Variants in ETV6 observed in about 807,000 individuals in gnomAD.
ETV6 encodes ETS variant transcription factor 6.
A neutral mutation model predicts 51.1 loss-of-function variants in ETV6; 16 were observed. That is an observed-to-expected ratio of 0.31 (90% confidence interval 0.21 to 0.48). The LOEUF is 0.48. Ranked by LOEUF, ETV6 falls within the 20% of genes least tolerant of loss-of-function variation. The pLI, the probability that ETV6 is intolerant of heterozygous loss-of-function variation, is 0.99. For missense variants in ETV6, 458 were observed against 594.8 expected (o/e 0.77, Z 2.39); for synonymous variants, 240 against 224.1 (o/e 1.07, Z -0.64).
intron 1 of ETV6, among the ~76,000 whole-genome samples, chr12:11,709,333 T>G (rs192422622): frequency 2.8e-4 from 42 of 152,274 alleles, no homozygotes; most frequent in Middle Eastern, 3.4e-3. Flanking sequence ...GCGTTTGATC[T>G]TTTCTTCTCT....
chr12:11,859,173 G>T (rs187299700), intron 4 of ETV6, among the ~76,000 whole-genome samples: 2 of 105,522 alleles, frequency 1.9e-5, no homozygotes, highest in African/African-American at 4.0e-5. Context: ...AAGGAGTCTT[G>T]CTCTGTCGCC....
intron 1 of ETV6, among the ~76,000 whole-genome samples, chr12:11,690,852 A>C (rs1864742322): frequency 2.0e-5 from 3 of 148,360 alleles, no homozygotes; most frequent in Non-Finnish European, 3.0e-5. Context: ...GTGCCACTGC[A>C]CTCCAGCCTG....
intron 1 of ETV6, among the ~76,000 whole-genome samples, chr12:11,728,426 G>T (rs559646713): frequency 3.9e-5 from 6 of 152,226 alleles, no homozygotes; most frequent in African/African-American, 1.4e-4. Context: ...TCAGATCAGT[G>T]GCAGCATTAG....
At chr12:11,889,306 T>G (rs1047499479) in intron 7 of ETV6, among the ~76,000 whole-genome samples, 1 of 152,168 alleles carries the variant, frequency 6.6e-6, no homozygotes, top group Non-Finnish European at 1.5e-5. Context: ...ATTGATAGGC[T>G]TCCAATAAAA....
chr12:11,675,128 A>T (rs2111048), intron 1 of ETV6, among the ~76,000 whole-genome samples: 132,470 of 152,168 alleles, frequency 0.87, 58,758 homozygotes, highest in Non-Finnish European at 0.96. Flanking sequence ...CTGAGAGTTT[A>T]TTACCACAAG....
intron 1 of ETV6, among the ~76,000 whole-genome samples, chr12:11,720,153 A>C (rs1865355544): frequency 6.6e-6 from 1 of 152,112 alleles, no homozygotes; most frequent in African/African-American, 2.4e-5. Flanking sequence ...TGAAGATAGG[A>C]AAAGGGGCTT....
chr12:11,779,359 T>A lies in ETV6; in HGVS notation c.163+26780T>A, dbSNP rs576092618. Among the ~76,000 whole-genome samples, 3 of 152,314 alleles carry A rather than the reference T, an allele frequency of 2.0e-5. No homozygotes were observed. The East Asian group carries it at 5.8e-4, about 29-fold the overall frequency. ...TACTGAATTTGTTCAGTTCCCATCTTAAAAACTTGAAACTCCTTTGACTTT... is the reference window on the plus strand; with the variant it reads ...TACTGAATTTGTTCAGTTCCCATCTAAAAAACTTGAAACTCCTTTGACTTT... On this transcript the variant is annotated intron_variant, in intron 2 of 7. Transcript: ENST00000396373.
intron 1 of ETV6, among the ~76,000 whole-genome samples, chr12:11,716,180 A>G (rs1247564756): frequency 6.6e-6 from 1 of 151,770 alleles, no homozygotes; most frequent in African/African-American, 2.4e-5. Context: ...CTAACATGAA[A>G]ATTAGCCGGG....
intron 1 of ETV6, among the ~76,000 whole-genome samples, chr12:11,687,921 G>C (rs1026497071): frequency 6.6e-6 from 1 of 152,218 alleles, no homozygotes; most frequent in African/African-American, 2.4e-5. Flanking sequence ...CATTTACTGA[G>C]TGCTTCCCGT....
At chr12:11,706,577 G>A (rs1379096277) in intron 1 of ETV6, among the ~76,000 whole-genome samples, 1 of 152,238 alleles carries the variant, frequency 6.6e-6, no homozygotes, top group Non-Finnish European at 1.5e-5. Context: ...GCAGGTTACT[G>A]AGTTTTCTAA....
At chr12:11,668,946 T>C (rs1365057354) in intron 1 of ETV6, among the ~76,000 whole-genome samples, 1 of 152,212 alleles carries the variant, frequency 6.6e-6, no homozygotes, top group Non-Finnish European at 1.5e-5. Flanking sequence ...GGCTGTCCTC[T>C]GGGTGTGCTG....
chr12:11,819,986 T>C (rs1168051826), intron 2 of ETV6, among the ~76,000 whole-genome samples: 1 of 152,224 alleles, frequency 6.6e-6, no homozygotes, highest in Non-Finnish European at 1.5e-5. Flanking sequence ...AGACAAGGCC[T>C]TCCAAGGCCT....
chr12:11,802,540 A>T (rs1325665463), intron 2 of ETV6, among the ~76,000 whole-genome samples: 1 of 152,188 alleles, frequency 6.6e-6, no homozygotes, highest in Non-Finnish European at 1.5e-5. Flanking sequence ...TTGGAATTCT[A>T]ATTAATCCTT....
rs988889206 is a variant in ETV6, at chr12:11,799,605, T to C, written c.164-39535T>C. ...CGAAAAAAGAGGTTAATAAATCCAA[T>C]TGATAAGCACAATCAAAACCAACAG... On this transcript the variant is annotated intron_variant, in intron 2 of 7. Coordinates refer to ENST00000396373, the MANE Select transcript of ETV6 (RefSeq NM_001987.5). Among the ~76,000 whole-genome samples the C allele has an allele frequency of 9.9e-5, 15 of 152,100 alleles. No homozygotes were observed. The East Asian group carries it at 2.9e-3, about 29-fold the overall frequency.
chr12:11,878,828 G>GAA (rs58898825), intron 5 of ETV6, among the ~76,000 whole-genome samples: 12 of 139,804 alleles, frequency 8.6e-5, no homozygotes, highest in African/African-American at 2.6e-4. Context: ...AGGAGGAGGG[G>GAA]AAAAAAAAAA....
intron 1 of ETV6, among the ~76,000 whole-genome samples, chr12:11,675,115 C>T (rs939067063): frequency 1.3e-5 from 2 of 152,180 alleles, no homozygotes; most frequent in African/African-American, 2.4e-5. Flanking sequence ...AGTCCTCCAG[C>T]CCCTGAGAGT....
intron 2 of ETV6, among the ~76,000 whole-genome samples, chr12:11,795,832 G>C (rs1945667957): frequency 1.3e-5 from 2 of 152,222 alleles, no homozygotes; most frequent in Admixed American, 1.3e-4. Context: ...GTTAAGAATA[G>C]TGTCCACTTC....
chr12:11,885,952 A>G lies in ETV6; in HGVS notation c.1179A>G (p.Lys393=), dbSNP rs1947176919. Residue 393 remains lysine (K), a synonymous_variant, in exon 7 of 8, where the codon AAA becomes AAG. Coordinates refer to ENST00000396373, the MANE Select transcript of ETV6 (RefSeq NM_001987.5). ...HKNRTNMTYE[K]MSRALRHYYK... ...ACAGAACAAACATGACCTATGAGAA[A>G]ATGTCCAGAGCCCTGCGCCACTACT... 1 of 1,613,964 alleles carries G rather than the reference A, an allele frequency of 6.2e-7. No individual in the cohort carries two copies. Among genetic ancestry groups the G allele is most frequent in the Non-Finnish European group, 8.5e-7 (1 of 1,179,860 alleles).
intron 2 of ETV6, among the ~76,000 whole-genome samples, chr12:11,793,372 T>G (rs1486532072): frequency 6.6e-6 from 1 of 152,254 alleles, no homozygotes; most frequent in African/African-American, 2.4e-5. Flanking sequence ...CTGTATTGCC[T>G]GGTGCTGCTT....
Sources: allele counts gnomAD v4.1 joint callset (sites outside exome capture counted in the v4.1 genomes callset), GRCh38; gene constraint gnomAD v4.1.1; transcripts MANE v1.5; gene names NCBI Gene and HGNC (gene_info 2026-07-23, HGNC 2026-07-21).